CDH18: variants seen among roughly 807,000 people sequenced by gnomAD.
CDH18 encodes the protein cadherin-18.
Under a neutral mutation model 67.9 loss-of-function variants are expected in CDH18, and 31 were observed. The observed-to-expected ratio is 0.46, with a 90% CI of 0.34 to 0.62. CDH18 has a LOEUF of 0.62. Among genes scored for constraint, CDH18 ranks in the 20% least tolerant of loss-of-function variants. CDH18 has a pLI of 0.01. For synonymous variants in CDH18, 362 were observed against 347.2 expected (o/e 1.04, Z -0.48); for missense variants, 890 against 975.5 (o/e 0.91, Z 1.17).
intron 3 of CDH18, among the ~76,000 whole-genome samples, chr5:19,767,157 T>G (rs1210950196): frequency 1.3e-5 from 2 of 152,034 alleles, no homozygotes; most frequent in African/African-American, 4.8e-5. Flanking sequence ...CTCAGTGGAA[T>G]TCTAAAGTCA....
At chr5:20,124,168 A>G (rs996832421) in intron 2 of CDH18, among the ~76,000 whole-genome samples, 5 of 152,202 alleles carry the variant, frequency 3.3e-5, no homozygotes. Flanking sequence ...GGGAGGTAAG[A>G]AGAATCCAGT....
At chr5:19,911,755 T>C (rs1305695243) in intron 2 of CDH18, among the ~76,000 whole-genome samples, 1 of 152,190 alleles carries the variant, frequency 6.6e-6, no homozygotes, top group Non-Finnish European at 1.5e-5. Context: ...TTAATCCACC[T>C]ACTCTGAGGT....
chr5:20,519,825 T>G (rs1327480542), intron 1 of CDH18, among the ~76,000 whole-genome samples: 2 of 151,880 alleles, frequency 1.3e-5, no homozygotes, highest in African/African-American at 4.8e-5. Context: ...GTCAGACTTC[T>G]TGTTGGCATA....
upstream of CDH18, among the ~76,000 whole-genome samples, chr5:19,989,240 A>G (rs1035232334): frequency 6.6e-6 from 1 of 152,226 alleles, no homozygotes; most frequent in Non-Finnish European, 1.5e-5. Flanking sequence ...GGCAGATATA[A>G]TAAGAATTGT....
intron 2 of CDH18, among the ~76,000 whole-genome samples, chr5:20,122,230 A>T (rs1043001256): frequency 3.3e-5 from 5 of 152,138 alleles, no homozygotes; most frequent in African/African-American, 1.2e-4. Context: ...CAAATATCAC[A>T]CCTACACTCT....
At chr5:20,190,615 G>A (rs1305434514) in intron 2 of CDH18, among the ~76,000 whole-genome samples, 1 of 151,776 alleles carries the variant, frequency 6.6e-6, no homozygotes, top group Non-Finnish European at 1.5e-5. Context: ...AGATTGTATC[G>A]AGCCTCTAAC....
At chr5:20,539,289 T>C (rs556985876) in intron 1 of CDH18, among the ~76,000 whole-genome samples, 106 of 152,274 alleles carry the variant, frequency 7.0e-4, no homozygotes, top group Non-Finnish European at 1.4e-3. Flanking sequence ...AAACAAATCA[T>C]CGTCTGTGAG....
intron 2 of CDH18, among the ~76,000 whole-genome samples, chr5:19,899,947 G>A (rs1336473670): frequency 6.6e-6 from 1 of 152,052 alleles, no homozygotes; most frequent in Non-Finnish European, 1.5e-5. Flanking sequence ...GGGAAACAGG[G>A]AGTTACTCTT....
In CDH18 at chr5:20,083,108, G is replaced by T. The variant is rs556644734; in HGVS notation, c.-517-91094C>A. Among the ~76,000 whole-genome samples, 99 of 152,224 alleles carry T rather than the reference G, an allele frequency of 6.5e-4. No homozygotes were observed. In the Middle Eastern group the frequency reaches 0.014, roughly 21 times the overall value. ...GGGGTACAATGATAAAACAATTAATGAACTAAGAAAGGGTCATAGCACACA... is the reference window on the plus strand; with the variant it reads ...GGGGTACAATGATAAAACAATTAATTAACTAAGAAAGGGTCATAGCACACA... On this transcript the variant is annotated intron_variant, in intron 2 of 14. Coordinates refer to the CDH18 transcript ENST00000507958.
In CDH18 at chr5:19,838,946, A is replaced by C; in HGVS notation, c.41T>G (p.Val14Gly). Residue 14 changes from valine to glycine, a missense_variant, in exon 3 of 13, where the codon GTG (valine) becomes GGG (glycine). Around this residue, in one of 2 missense-constraint regions of CDH18, gnomAD observed 234 missense variants for 307.4 expected, o/e 0.76. Transcript: ENST00000382275. Reference protein sequence around the residue: ...TSTSCICPVLVCLCFVQRCYG... With the variant: ...TSTSCICPVLGCLCFVQRCYG... ...ACACCTCTGCACAAAACAGAGACACACTAGGACTGGACAGATGCAAGATGT... is the reference window on the plus strand; with the variant it reads ...ACACCTCTGCACAAAACAGAGACACCCTAGGACTGGACAGATGCAAGATGT... The C allele has an allele frequency of 6.2e-7, 1 of 1,614,090 alleles. No individual in the cohort carries two copies. The highest frequency in any genetic ancestry group is 8.5e-7 in the Non-Finnish European group (1 of 1,179,932).
intron 2 of CDH18, among the ~76,000 whole-genome samples, chr5:20,223,877 A>G (rs575017866): frequency 6.6e-6 from 1 of 152,262 alleles, no homozygotes; most frequent in South Asian, 2.1e-4. Flanking sequence ...CGCAAGCCAT[A>G]TGGAACTGTG....
At chr5:20,038,006 C>A (rs1316940583) in intron 2 of CDH18, among the ~76,000 whole-genome samples, 3 of 151,746 alleles carry the variant, frequency 2.0e-5, no homozygotes, top group Non-Finnish European at 4.4e-5. Context: ...AATAAAAAAT[C>A]ATAAAAGGGA....
chr5:19,920,242 T>A (rs912443997), intron 2 of CDH18, among the ~76,000 whole-genome samples: 1 of 152,186 alleles, frequency 6.6e-6, no homozygotes, highest in African/African-American at 2.4e-5. Context: ...AATTTAGACA[T>A]TAGAAATTAA....
chr5:19,913,119 A>G (rs958741326), intron 2 of CDH18, among the ~76,000 whole-genome samples: 6 of 152,264 alleles, frequency 3.9e-5, no homozygotes, highest in African/African-American at 1.4e-4. Context: ...GCAAAAATTG[A>G]CATCTTGAGT....
At chr5:19,944,930 A>T (rs1184238423) in intron 2 of CDH18, among the ~76,000 whole-genome samples, 1 of 152,274 alleles carries the variant, frequency 6.6e-6, no homozygotes, top group East Asian at 1.9e-4. Context: ...ATTGGGCACC[A>T]GGGAGGCCTA....
chr5:19,787,423 G>T (rs1374642218), intron 3 of CDH18, among the ~76,000 whole-genome samples: 1 of 151,784 alleles, frequency 6.6e-6, no homozygotes, highest in African/African-American at 2.4e-5. Flanking sequence ...TTGCAATCCA[G>T]CCTGGGCAAC....
At chr5:20,514,736 A>C (rs532084599) in intron 1 of CDH18, among the ~76,000 whole-genome samples, 1 of 152,270 alleles carries the variant, frequency 6.6e-6, no homozygotes, top group African/African-American at 2.4e-5. Flanking sequence ...TACATTGCTC[A>C]GTAAATGAAA....
At chr5:19,982,907 G>A (rs971243146) in intron 1 of CDH18, among the ~76,000 whole-genome samples, 4 of 151,836 alleles carry the variant, frequency 2.6e-5, no homozygotes, top group African/African-American at 9.7e-5. Flanking sequence ...AGCCGGGCTT[G>A]GTGGCAGGCA....
At chr5:19,592,636 T>C (rs1337867683) in intron 6 of CDH18, among the ~76,000 whole-genome samples, 1 of 152,118 alleles carries the variant, frequency 6.6e-6, no homozygotes, top group Non-Finnish European at 1.5e-5. Flanking sequence ...AAAAGTCTAA[T>C]CTAGTGAATG....
Sources: gnomAD v4.1 joint callset for allele counts (sites outside exome capture counted in the v4.1 genomes callset) on GRCh38, gnomAD v4.1.1 for gene constraint, gnomAD v4.1.1 regional missense constraint, MANE v1.5 for transcripts, NCBI Gene and HGNC (gene_info 2026-07-23, HGNC 2026-07-21) for gene names.